Variants in ZNF695 observed in about 807,000 individuals in gnomAD.
ZNF695 encodes the protein zinc finger protein SBZF3.
A neutral mutation model predicts 11.2 loss-of-function variants in ZNF695; 11 were observed. The ratio of observed to expected loss-of-function variants is 0.98; its 90% confidence interval spans 0.62 to 1.62. The LOEUF (loss-of-function observed/expected upper bound fraction) is 1.62. ZNF695 is among the 40% of genes most tolerant of loss of function. The pLI is 0.00. For missense variants in ZNF695, 559 were observed against 590.5 expected (o/e 0.95, Z 0.55); for synonymous variants, 190 against 201.4 (o/e 0.94, Z 0.48).
intron 3 of ZNF695, among the ~76,000 whole-genome samples, chr1:246,992,910 TG>T (rs954118537): frequency 7.2e-5 from 11 of 152,134 alleles, no homozygotes; most frequent in Non-Finnish European, 1.3e-4. Flanking sequence ...TCCATACTTT[TG>T]GGGGCTTGAA....
chr1:246,962,249 G>C (rs1008443571), intron 5 of ZNF695, among the ~76,000 whole-genome samples: 7 of 152,212 alleles, frequency 4.6e-5, no homozygotes, highest in Non-Finnish European at 7.3e-5. Flanking sequence ...GAACACTGAC[G>C]AATGGCTTGG....
chr1:247,001,377 C>T (rs1558321298), intron 1 of ZNF695, among the ~76,000 whole-genome samples: 2 of 149,914 alleles, frequency 1.3e-5, no homozygotes, highest in Non-Finnish European at 3.0e-5. Context: ...GCCTCAGCAA[C>T]ATAGCAAGAC....
intron 5 of ZNF695, chr1:246,966,879 T>C (rs574934157): frequency 2.2e-6 from 1 of 456,486 alleles, no homozygotes; most frequent in African/African-American, 2.0e-5. Context: ...TGAGGAGTTA[T>C]TGGAGGGTTT....
rs371804649 is a variant in ZNF695 at position 246,987,318 on chromosome 1, C to G, written c.1197G>C (p.Lys399Asn). 3 of 1,613,758 alleles carry G rather than the reference C, an allele frequency of 1.9e-6. No individual in the cohort carries two copies. The highest frequency in any genetic ancestry group is 2.5e-6 in the Non-Finnish European group (3 of 1,179,950). ...FTWFSYLIQH[K>N]RIHTGQKPYK... ...AGGGTTTCTGCCCAGTATGAATTCT[C>G]TTATGCTGAATAAGGTATGAGAACC... Residue 399 changes from lysine (K) to asparagine (N), a missense_variant, in exon 4 of 4, where the codon AAG (lysine) becomes AAC (asparagine). Physicochemically the swap from Lys to Asn is moderately conservative, Grantham distance 94 (BLOSUM62 0). Coordinates refer to ENST00000339986, the MANE Select transcript of ZNF695 (RefSeq NM_020394.5).
chr1:246,950,053 T>G (rs905217402), intron 5 of ZNF695, among the ~76,000 whole-genome samples: 3 of 152,222 alleles, frequency 2.0e-5, no homozygotes, highest in Non-Finnish European at 4.4e-5. Context: ...CTTATTGTAC[T>G]AAAGTCATAT....
At chr1:246,970,258 T>C (rs550587260) in intron 4 of ZNF695, among the ~76,000 whole-genome samples, 1 of 152,276 alleles carries the variant, frequency 6.6e-6, no homozygotes, top group South Asian at 2.1e-4. Flanking sequence ...TGACAAAATA[T>C]ACGAAACAAC....
In ZNF695 at chr1:246,986,797, T is replaced by C; in HGVS notation, c.*170A>G. The C allele has an allele frequency of 7.2e-7, 1 of 1,385,998 alleles. No homozygotes were observed. The highest frequency in any genetic ancestry group is 9.3e-7 in the Non-Finnish European group (1 of 1,075,680). The allele number at this position is 1,385,998 out of a possible 1,614,324, so 85.9% of individuals were successfully genotyped here. On this transcript the variant is annotated 3_prime_UTR_variant, in exon 4 of 4. Transcript: ENST00000339986. ...TGGAGGTGTTGAACCGGTCTATTTG[T>C]ATTGTTCGTAGCCTAAACATTTTAG...
intron 5 of ZNF695, among the ~76,000 whole-genome samples, chr1:246,966,464 G>C (rs1044435162): frequency 6.6e-6 from 1 of 151,636 alleles, no homozygotes; most frequent in African/African-American, 2.4e-5. Flanking sequence ...CTGGGCGACA[G>C]AGCAAGACTC....
chr1:246,966,692 G>A (rs1462038923), intron 5 of ZNF695: 1 of 441,882 alleles, frequency 2.3e-6, no homozygotes, highest in Non-Finnish European at 4.5e-6. Flanking sequence ...AGGCTAAGGT[G>A]AGAGATCGCT....
chr1:246,978,753 G>A (rs1276879862), intron 4 of ZNF695, among the ~76,000 whole-genome samples: 1 of 152,186 alleles, frequency 6.6e-6, no homozygotes, highest in African/African-American at 2.4e-5. Context: ...AGGGCTGTAG[G>A]ATAACGGGTT....
intron 3 of ZNF695, among the ~76,000 whole-genome samples, chr1:246,993,434 A>AC (rs1669100955): frequency 6.6e-6 from 1 of 151,914 alleles, no homozygotes; most frequent in African/African-American, 2.4e-5. Flanking sequence ...AAACAAACAA[A>AC]AAAAAACACC....
At chr1:246,990,191 AAAAGAG>A (rs1158501274) in intron 3 of ZNF695, among the ~76,000 whole-genome samples, 18 of 40,248 alleles carry the variant, frequency 4.5e-4, no homozygotes, top group Non-Finnish European at 9.9e-4. Context: ...GAAAGGAAGG[AAAAGAG>A]AAAGAGAGAG....
intron 3 of ZNF695, among the ~76,000 whole-genome samples, chr1:246,993,595 T>C (rs945873268): frequency 3.9e-5 from 6 of 152,102 alleles, no homozygotes; most frequent in African/African-American, 1.4e-4. Flanking sequence ...AACAAAAGAT[T>C]ACAATGTATA....
chr1:246,972,005 G>C (rs1180647479), intron 4 of ZNF695, among the ~76,000 whole-genome samples: 1 of 152,174 alleles, frequency 6.6e-6, no homozygotes, highest in Non-Finnish European at 1.5e-5. Context: ...CAAAGTGCTG[G>C]GATTGCCTCA....
In ZNF695 at chr1:246,987,219, T is replaced by C. The variant is rs1668876630; in HGVS notation, c.1296A>G (p.Gly432=). The C allele has an allele frequency of 6.2e-7, 1 of 1,613,914 alleles. No homozygotes were observed. The highest frequency in any genetic ancestry group is 8.5e-7 in the Non-Finnish European group (1 of 1,179,982). The change falls in exon 4 of 4, where the codon GGA becomes GGG. Residue 432 remains glycine, a synonymous_variant. Transcript: ENST00000339986. The stretch of plus-strand genomic sequence containing the variant: ...ATTCATCACATTTGTAGGGTTTCTC[T>C]CCAGTATGAATTCTCTTATGTTGAG... ...YLTQHKRIHT[G]EKPYKCDECG... is the part of the protein sequence containing the mutation.
intron 3 of ZNF695, among the ~76,000 whole-genome samples, chr1:246,998,977 AATATATATATATATATATATATATAT>A (rs6143721): frequency 2.1e-5 from 3 of 144,276 alleles, no homozygotes; most frequent in South Asian, 2.4e-4. Context: ...CAAGAAAACA[AATATATATATATATATATATATATAT>A]ATATATATAT....
At chr1:246,970,678 C>G (rs1668401714) in intron 4 of ZNF695, among the ~76,000 whole-genome samples, 1 of 152,274 alleles carries the variant, frequency 6.6e-6, no homozygotes, top group South Asian at 2.1e-4. Context: ...GAGTTCCTAA[C>G]AGGCAGAGTG....
intron 5 of ZNF695, among the ~76,000 whole-genome samples, chr1:246,956,011 C>G (rs1419688398): frequency 7.3e-6 from 1 of 136,876 alleles, no homozygotes; most frequent in Non-Finnish European, 1.5e-5. Context: ...TTTTTTAAGA[C>G]AGAGTCTTGC....
intron 3 of ZNF695, 28 bp downstream of exon 3, chr1:246,999,320 T>C (rs762460673): frequency 6.4e-7 from 1 of 1,556,424 alleles, no homozygotes; most frequent in South Asian, 1.1e-5. Flanking sequence ...AACCCCTACC[T>C]GTGTTCGCTT....
Sources: allele counts gnomAD v4.1 joint callset (sites outside exome capture counted in the v4.1 genomes callset), GRCh38; gene constraint gnomAD v4.1.1; transcripts MANE v1.5; gene names NCBI Gene and HGNC (gene_info 2026-07-23, HGNC 2026-07-21).